Variants in UBAP2 observed in about 807,000 individuals in gnomAD.
The protein encoded by UBAP2 is ubiquitin associated protein 2.
Under a neutral mutation model 139.6 loss-of-function variants are expected in UBAP2, and 75 were observed. That is an observed-to-expected ratio of 0.54 (90% CI 0.45 to 0.65). The LOEUF (loss-of-function observed/expected upper bound fraction) is 0.65, where lower values mean the gene tolerates loss of function less well. Among genes scored for constraint, UBAP2 ranks in the 30% least tolerant of loss-of-function variants. UBAP2 has a pLI of 0.00. For synonymous variants in UBAP2, 526 were observed against 526.2 expected (o/e 1.00, Z 0.01); for missense variants, 1,368 against 1,369.6 (o/e 1.00, Z 0.02).
At chr9:33,961,471 TCAAA>T (rs1421423658) in intron 9 of UBAP2, among the ~76,000 whole-genome samples, 2 of 152,170 alleles carry the variant, frequency 1.3e-5, no homozygotes, top group Admixed American at 6.5e-5. Context: ...CAGGATGCGC[TCAAA>T]CAGTTCTTAC....
rs1175323725 is a variant in UBAP2, at chr9:34,040,605, CTAACT to C, written c.-42+8215_-42+8219del. 3.3e-5 allele frequency among the ~76,000 whole-genome samples: 5 copies of C among 152,200 alleles called. No individual in the cohort carries two copies. The East Asian group carries it at 5.8e-4, about 18-fold the overall frequency. On this transcript the variant is annotated intron_variant, in intron 1 of 28. Transcript: ENST00000379238. ...TAATTAAAAAGAAGTTAGCAAGTTGCTAACTTAACAAAGCAAAATCCAGCTATGTG... is the reference window on the plus strand; with the variant it reads ...TAATTAAAAAGAAGTTAGCAAGTTGCTAACAAAGCAAAATCCAGCTATGTG...
At chr9:33,949,698 G>A (rs1011935592) in intron 12 of UBAP2, among the ~76,000 whole-genome samples, 4 of 148,502 alleles carry the variant, frequency 2.7e-5, no homozygotes, top group East Asian at 3.9e-4. Context: ...GCTTAGACTC[G>A]TCTCTCATGT....
At chr9:33,946,187 C>T (rs919241412) in intron 13 of UBAP2, among the ~76,000 whole-genome samples, 1 of 152,082 alleles carries the variant, frequency 6.6e-6, no homozygotes, top group African/African-American at 2.4e-5. Context: ...TCTCTTTAGC[C>T]AGTTTTTTAA....
At chr9:33,923,500 G>T (rs1198702440) in intron 24 of UBAP2, 22 bp from the exon 25 acceptor site, 2 of 1,611,428 alleles carry the variant, frequency 1.2e-6, no homozygotes, top group Non-Finnish European at 1.7e-6. Context: ...AGCAGATGAG[G>T]TATTAGTGTA....
chr9:33,942,818 A>C (rs1481563125), intron 15 of UBAP2, among the ~76,000 whole-genome samples: 1 of 152,024 alleles, frequency 6.6e-6, no homozygotes, highest in Non-Finnish European at 1.5e-5. Context: ...TGCTGCAAAC[A>C]TGTGGAGAAA....
At chr9:34,021,420 T>A (rs1158736788) in intron 1 of UBAP2, among the ~76,000 whole-genome samples, 1 of 152,216 alleles carries the variant, frequency 6.6e-6, no homozygotes, top group Non-Finnish European at 1.5e-5. Context: ...TTTTGCATCC[T>A]TTTTCAGTTT....
intron 2 of UBAP2, among the ~76,000 whole-genome samples, chr9:34,001,273 CAGGACATACATACATACACATACT>C (rs1239649488): frequency 1.3e-5 from 2 of 152,130 alleles, no homozygotes; most frequent in Non-Finnish European, 2.9e-5. Context: ...GATTGCAATC[CAGGACATACATACATACACATACT>C]AGGGTAGCCT....
rs559903936 is a variant in UBAP2 at position 33,971,240 on chromosome 9, G to A, written c.679+411C>T. On this transcript the variant is annotated intron_variant, in intron 8 of 28. Transcript: ENST00000379238. ...ATACAGAAAAACCTGCAGAGGCAAC[G>A]TTGCTACAAACCCATCTATCATCTA... 1.7e-4 allele frequency among the ~76,000 whole-genome samples: 26 copies of A among 152,288 alleles called. No individual in the cohort carries two copies. The East Asian group carries it at 4.0e-3, about 24-fold the overall frequency.
At chr9:33,966,595 AAT>A (rs1352423795) in intron 8 of UBAP2, among the ~76,000 whole-genome samples, 1 of 152,202 alleles carries the variant, frequency 6.6e-6, no homozygotes, top group Admixed American at 6.5e-5. Flanking sequence ...ATGAACACTG[AAT>A]ATGTTCCCTT....
intron 15 of UBAP2, 115 bp from the exon 16 acceptor site, chr9:33,941,977 A>C: frequency 1.4e-6 from 1 of 708,312 alleles, no homozygotes; most frequent in Non-Finnish European, 2.3e-6. Context: ...TATTATCCCA[A>C]ATGAGACCCA....
rs1821285920 is a variant in UBAP2, at chr9:33,987,118, A to G, written c.443-281T>C. Among the ~76,000 whole-genome samples, 4 of 152,160 alleles carry G rather than the reference A, an allele frequency of 2.6e-5. No homozygotes were observed. In the South Asian group the frequency reaches 8.3e-4, roughly 32 times the overall value. ...ACCAGCCTGGGCAACATACAAAAAAATACAAAAATTGGCCAGGCACAGTGG... is the reference window on the plus strand; with the variant it reads ...ACCAGCCTGGGCAACATACAAAAAAGTACAAAAATTGGCCAGGCACAGTGG... On this transcript the variant is annotated intron_variant, in intron 5 of 28. Transcript: ENST00000379238.
intron 8 of UBAP2, among the ~76,000 whole-genome samples, chr9:33,970,879 T>C (rs1827865606): frequency 6.6e-6 from 1 of 152,234 alleles, no homozygotes; most frequent in Non-Finnish European, 1.5e-5. Flanking sequence ...CTCGGCTCAT[T>C]GCAACCTCCA....
At chr9:34,009,832 A>G (rs1390872633) in intron 2 of UBAP2, among the ~76,000 whole-genome samples, 3 of 142,994 alleles carry the variant, frequency 2.1e-5, no homozygotes, top group African/African-American at 7.7e-5. Context: ...TTTGAGACAG[A>G]GTTTCGCTCT....
chr9:33,938,260 C>CCAGGACCA (rs1331587019), intron 16 of UBAP2, among the ~76,000 whole-genome samples: 96 of 152,158 alleles, frequency 6.3e-4, no homozygotes, highest in East Asian at 5.8e-4. Flanking sequence ...TCCCAAATTG[C>CCAGGACCA]CAGGACCACA....
At chr9:33,935,965 C>A (rs1824475624) in intron 16 of UBAP2, 87 bp from the exon 17 acceptor site, 2 of 1,209,688 alleles carry the variant, frequency 1.7e-6, no homozygotes, top group African/African-American at 1.6e-5. Context: ...CAACATGTAG[C>A]TTAATCAAGA....
intron 19 of UBAP2, among the ~76,000 whole-genome samples, chr9:33,930,895 C>CAAAAA (rs57202118): frequency 2.2e-4 from 16 of 73,224 alleles, no homozygotes; most frequent in Admixed American, 4.6e-4. Flanking sequence ...GACTGCATCT[C>CAAAAA]AAAAAAAAAA....
At position 33,963,771 on chromosome 9, in the gene UBAP2, TGTGA is replaced by T. The variant is rs1333525048; in HGVS notation, c.696_699del (p.His233ThrfsTer2). ...TTGTTTGACAGATCCTGAGCTATGT[TGTGA>T]GTATTTGATGCCAGTTCTGTGGACC... On this transcript the variant is annotated frameshift_variant, in exon 9 of 29. Transcript: ENST00000379238. LOFTEE classifies it high-confidence loss of function. The T allele has an allele frequency of 1.2e-6, 2 of 1,612,648 alleles. No homozygotes were observed. Among genetic ancestry groups the T allele is most frequent in the East Asian group, 2.2e-5 (1 of 44,776 alleles).
chr9:33,986,739 T>C, intron 6 of UBAP2, 21 bp downstream of exon 6: 1 of 1,609,726 alleles, frequency 6.2e-7, no homozygotes, highest in Non-Finnish European at 8.5e-7. Flanking sequence ...AAGCATTTTC[T>C]TCCCTCTTAC....
intron 12 of UBAP2, among the ~76,000 whole-genome samples, chr9:33,952,554 A>G (rs1052335740): frequency 2.0e-5 from 3 of 152,248 alleles, no homozygotes; most frequent in Non-Finnish European, 4.4e-5. Flanking sequence ...GCGCCTAGGC[A>G]GACTCAGACT....
Sources: gnomAD v4.1 joint callset for allele counts (sites outside exome capture counted in the v4.1 genomes callset) on GRCh38, gnomAD v4.1.1 for gene constraint, MANE v1.5 for transcripts, NCBI Gene and HGNC (gene_info 2026-07-23, HGNC 2026-07-21) for gene names.